HS3ST5: variants seen among roughly 807,000 people sequenced by gnomAD.
HS3ST5 encodes heparan sulfate glucosamine 3-O-sulfotransferase 5.
HS3ST5 carries 10 observed loss-of-function variants against 25.4 expected under a neutral mutation model. The observed-to-expected ratio is 0.39, with a 90% CI of 0.24 to 0.67. The LOEUF (loss-of-function observed/expected upper bound fraction) is 0.67, where lower values mean the gene tolerates loss of function less well. HS3ST5 is among the 30% of genes least tolerant of loss of function. HS3ST5 has a pLI of 0.44. For missense variants in HS3ST5, 324 were observed against 420.7 expected (o/e 0.77, Z 2.01); for synonymous variants, 170 against 162.4 (o/e 1.05, Z -0.36).
chr6:114,203,082 TTGTACATTTCACGTTAACTTAAAACA>T (rs1781104428), intron 2 of HS3ST5, among the ~76,000 whole-genome samples: 1 of 152,226 alleles, frequency 6.6e-6, no homozygotes. Context: ...CTTTGTACAT[TTGTACATTTCACGTTAACTTAAAACA>T]TGTACATTTC....
In HS3ST5 at chr6:114,062,879, T is replaced by A; in HGVS notation, c.-32-2A>T. On this transcript the variant is annotated splice_acceptor_variant, in intron 3 of 4. Coordinates refer to ENST00000312719, the MANE Select transcript of HS3ST5 (RefSeq NM_153612.4). LOFTEE classifies it low-confidence loss of function (5UTR_SPLICE). ...ATCAACCTTCAGGACTGCTGCAGCC[T>A]GCGATAGAAGGACTCATCAGCAGCC... 2 of 1,547,834 alleles carry A rather than the reference T, an allele frequency of 1.3e-6. No homozygotes were observed. The highest frequency in any genetic ancestry group is 1.8e-6 in the Non-Finnish European group (2 of 1,120,688).
intron 3 of HS3ST5, among the ~76,000 whole-genome samples, chr6:114,101,105 T>C (rs528483182): frequency 6.6e-6 from 1 of 152,346 alleles, no homozygotes; most frequent in Admixed American, 6.5e-5. Flanking sequence ...GCTGGCAATC[T>C]GTGCAGTATT....
At chr6:114,162,986 T>C (rs980408108) in intron 3 of HS3ST5, among the ~76,000 whole-genome samples, 3 of 152,300 alleles carry the variant, frequency 2.0e-5, no homozygotes, top group South Asian at 4.1e-4. Context: ...TGAATTATTA[T>C]CTGCCAATGT....
chr6:114,315,915 G>C (rs1775728814), intron 1 of HS3ST5, among the ~76,000 whole-genome samples: 1 of 152,136 alleles, frequency 6.6e-6, no homozygotes, highest in Non-Finnish European at 1.5e-5. Flanking sequence ...GTTGCTAACA[G>C]CTTTTAATTT....
At chr6:114,332,683 TCA>T (rs1358454380) in intron 1 of HS3ST5, among the ~76,000 whole-genome samples, 6 of 151,984 alleles carry the variant, frequency 3.9e-5, no homozygotes, top group African/African-American at 1.5e-4. Context: ...TAACATTAAC[TCA>T]ATAGAGTATG....
chr6:114,219,139 A>G (rs1007934705), intron 2 of HS3ST5, among the ~76,000 whole-genome samples: 1 of 152,236 alleles, frequency 6.6e-6, no homozygotes, highest in African/African-American at 2.4e-5. Flanking sequence ...GTGGTGCCCC[A>G]AGGCACTATT....
chr6:114,251,164 T>C (rs1376971011), intron 1 of HS3ST5, among the ~76,000 whole-genome samples: 2 of 152,098 alleles, frequency 1.3e-5, no homozygotes, highest in Non-Finnish European at 2.9e-5. Context: ...TAAAAAGAAA[T>C]GTAGGTGACT....
intron 1 of HS3ST5, among the ~76,000 whole-genome samples, chr6:114,298,309 AAAG>A (rs1161362497): frequency 6.6e-6 from 1 of 152,234 alleles, no homozygotes; most frequent in East Asian, 1.9e-4. Flanking sequence ...AAACAGCAAT[AAAG>A]AAGATCCATC....
At chr6:114,218,352 G>A (rs1430481548) in intron 2 of HS3ST5, among the ~76,000 whole-genome samples, 2 of 152,064 alleles carry the variant, frequency 1.3e-5, no homozygotes. Context: ...CAGTGCTAAG[G>A]TGCAAAACAA....
intron 3 of HS3ST5, among the ~76,000 whole-genome samples, chr6:114,124,249 T>C (rs1226495889): frequency 3.3e-5 from 5 of 152,150 alleles, no homozygotes; most frequent in African/African-American, 1.2e-4. Context: ...GACAACCCCA[T>C]ACAATCCCAG....
At chr6:114,340,494 T>C (rs535389410) in intron 1 of HS3ST5, 2 of 152,364 alleles carry the variant, frequency 1.3e-5, no homozygotes, top group South Asian at 4.1e-4. Flanking sequence ...GCTATGTGTC[T>C]TGTAATATCT....
At chr6:114,281,738 A>AGCTT (rs1468784225) in intron 1 of HS3ST5, 6 of 152,008 alleles carry the variant, frequency 3.9e-5, no homozygotes, top group Admixed American at 3.3e-4. Flanking sequence ...AATATGTTTT[A>AGCTT]GCTTTTCTCA....
chr6:114,300,030 A>G (rs1322562775), intron 1 of HS3ST5, among the ~76,000 whole-genome samples: 1 of 152,208 alleles, frequency 6.6e-6, no homozygotes, highest in Non-Finnish European at 1.5e-5. Flanking sequence ...CAGCAAAGGA[A>G]AAATTATGCA....
At chr6:114,122,719 C>A (rs1776853032) in intron 3 of HS3ST5, among the ~76,000 whole-genome samples, 2 of 152,156 alleles carry the variant, frequency 1.3e-5, no homozygotes, top group Admixed American at 1.3e-4. Context: ...CCACGTCCAC[C>A]TTCCCTACCT....
intron 3 of HS3ST5, among the ~76,000 whole-genome samples, chr6:114,145,379 A>C (rs1778107416): frequency 6.6e-6 from 1 of 152,214 alleles, no homozygotes; most frequent in African/African-American, 2.4e-5. Context: ...GTTTCATCTC[A>C]GGTATTATTT....
chr6:114,183,968 T>G (rs1780082465), intron 2 of HS3ST5, among the ~76,000 whole-genome samples: 1 of 151,916 alleles, frequency 6.6e-6, no homozygotes, highest in Admixed American at 6.6e-5. Flanking sequence ...CATGTTCTAG[T>G]GCCTTGTGGA....
At chr6:114,197,969 G>A (rs947030297) in intron 2 of HS3ST5, among the ~76,000 whole-genome samples, 4 of 152,126 alleles carry the variant, frequency 2.6e-5, no homozygotes, top group African/African-American at 9.7e-5. Context: ...GATGGACATG[G>A]AATTCAGAAT....
At chr6:114,117,085 C>A (rs1191660217) in intron 3 of HS3ST5, among the ~76,000 whole-genome samples, 1 of 152,106 alleles carries the variant, frequency 6.6e-6, no homozygotes, top group Non-Finnish European at 1.5e-5. Context: ...CCTCCCCCTC[C>A]CCATTCCGGC....
chr6:114,326,903 A>AT (rs1776197353), intron 1 of HS3ST5, among the ~76,000 whole-genome samples: 2 of 152,186 alleles, frequency 1.3e-5, no homozygotes, highest in Admixed American at 1.3e-4. Flanking sequence ...ACATCAGAAT[A>AT]TTATAAGACT....
Sources: gnomAD v4.1 joint callset for allele counts (sites outside exome capture counted in the v4.1 genomes callset) on GRCh38, gnomAD v4.1.1 for gene constraint, MANE v1.5 for transcripts, NCBI Gene and HGNC (gene_info 2026-07-23, HGNC 2026-07-21) for gene names.